AHCYL1: variants seen among roughly 807,000 people sequenced by gnomAD.
The protein encoded by AHCYL1 is S-adenosylhomocysteine hydrolase-like protein 1.
In AHCYL1, 20 loss-of-function variants were observed where a neutral mutation model predicts 79.3. The ratio of observed to expected loss-of-function variants is 0.25; its 90% CI spans 0.18 to 0.37. The LOEUF is 0.37. Ranked by LOEUF, AHCYL1 falls within the 10% of genes least tolerant of loss-of-function variation. AHCYL1 has a pLI of 1.00. For missense variants in AHCYL1, 330 were observed against 673.6 expected (o/e 0.49, Z 5.65); for synonymous variants, 223 against 242.2 (o/e 0.92, Z 0.74).
chr1:109,985,514 G>C (rs750599482), intron 1 of AHCYL1: 1 of 1,015,240 alleles, frequency 9.8e-7, no homozygotes, highest in Non-Finnish European at 1.2e-6. Flanking sequence ...CAGTCCGGGG[G>C]CATGGGGTGT....
Position 109,985,038 on chromosome 1 carries a change from C to G in AHCYL1, c.-15C>G, listed in dbSNP as rs768758601. ...CGGGGGCGGCGGGTCAGCCGCTGGC[C>G]GGGCCGGCCGGGGAATGTCGATGCC... On this transcript the variant is annotated 5_prime_UTR_variant, in exon 1 of 17. Transcript: ENST00000369799. 1.3e-6 allele frequency: 2 copies of G among 1,549,740 alleles called. No individual in the cohort carries two copies. The highest frequency in any genetic ancestry group is 1.7e-6 in the Non-Finnish European group (2 of 1,149,842).
At chr1:110,017,353 T>G (rs544208847) in intron 9 of AHCYL1, 142 bp from the exon 10 acceptor site, 1 of 664,282 alleles carries the variant, frequency 1.5e-6, no homozygotes, top group African/African-American at 1.8e-5. Flanking sequence ...CTGTTCTGCT[T>G]GGGATTGGAG....
chr1:110,001,244 TG>T (rs1650295380), intron 1 of AHCYL1, among the ~76,000 whole-genome samples: 1 of 152,052 alleles, frequency 6.6e-6, no homozygotes, highest in African/African-American at 2.4e-5. Flanking sequence ...GGGAGTGCAG[TG>T]GCATGATCTC....
At chr1:110,010,590 G>C (rs1034756371) in intron 2 of AHCYL1, among the ~76,000 whole-genome samples, 4 of 152,130 alleles carry the variant, frequency 2.6e-5, no homozygotes, top group Non-Finnish European at 5.9e-5. Flanking sequence ...TATTCCTTGA[G>C]CACAACTTAG....
chr1:110,001,434 G>T (rs1036815018), intron 1 of AHCYL1, among the ~76,000 whole-genome samples: 6 of 152,040 alleles, frequency 3.9e-5, no homozygotes, highest in Non-Finnish European at 7.4e-5. Flanking sequence ...GATCCACCCT[G>T]CTCGACCTCC....
chr1:109,989,359 C>T (rs1251586009), intron 1 of AHCYL1, among the ~76,000 whole-genome samples: 1 of 151,900 alleles, frequency 6.6e-6, no homozygotes, highest in Non-Finnish European at 1.5e-5. Context: ...AGTGTTTTAC[C>T]CAATATAATA....
rs1311479813 is a variant in AHCYL1, at chr1:110,017,428, A to C, written c.964-67A>C. 9.4e-6 allele frequency: 14 copies of C among 1,485,394 alleles called. No individual in the cohort carries two copies. In the East Asian group the frequency reaches 2.7e-4, roughly 29 times the overall value. 92.0% of individuals were successfully genotyped at this position (1,485,394 alleles called of 1,614,324 possible). A position where few individuals can be genotyped will look rare whatever the true frequency, so the allele number is the denominator to read the frequency against. On this transcript the variant is annotated intron_variant, in intron 9 of 16. Coordinates refer to ENST00000369799, the MANE Select transcript of AHCYL1 (RefSeq NM_006621.7). ...GAAGGTTAATTCCTGTCTCACAAAT[A>C]ACCTACCTACCCTAAATATCCATGA... is the stretch of plus-strand genomic sequence containing the variant.
At chr1:110,011,588 T>C (rs1420296088) in intron 3 of AHCYL1, among the ~76,000 whole-genome samples, 1 of 152,236 alleles carries the variant, frequency 6.6e-6, no homozygotes, top group Non-Finnish European at 1.5e-5. Flanking sequence ...AGTTTCTGTT[T>C]TCCTCCTTGC....
Position 110,014,766 on chromosome 1 carries a change from T to C in AHCYL1, c.584T>C (p.Val195Ala). ...EVAAALAEAG[V>A]AVFAWKGESE... ...TGATTCATTTCTGTCTCTACAGGAG[T>C]TGCAGTGTTCGCTTGGAAGGGCGAG... Residue 195 changes from valine (V) to alanine (A), a missense_variant, in exon 6 of 17, where the codon GTT becomes GCT. By Grantham distance (64) the Val-to-Ala change is moderately conservative (BLOSUM62 0). Transcript: ENST00000369799. 6.2e-7 allele frequency: 1 copy of C among 1,613,620 alleles called. No individual in the cohort carries two copies. Among genetic ancestry groups the C allele is most frequent in the Non-Finnish European group, 8.5e-7 (1 of 1,179,572 alleles).
intron 1 of AHCYL1, chr1:110,001,047 G>A (rs1570860297): frequency 2.6e-6 from 2 of 755,914 alleles, no homozygotes; most frequent in East Asian, 2.6e-4. Flanking sequence ...TTCATGTAGT[G>A]CTATCAGGTG....
In AHCYL1 at chr1:110,004,079, G is replaced by A. The variant is rs72976664; in HGVS notation, c.121-4955G>A. On this transcript the variant is annotated intron_variant, in intron 1 of 16. Coordinates refer to ENST00000369799, the MANE Select transcript of AHCYL1 (RefSeq NM_006621.7). The stretch of plus-strand genomic sequence containing the variant: ...GCCTGGTATTGCCTCACCTCTTCTC[G>A]CCGCGAGCATTGACAGAAGATCTAG... 7,697 of 985,308 alleles carry A rather than the reference G, an allele frequency of 7.8e-3. 413 individuals are homozygous for A. The African/African-American group carries it at 0.12, about 15-fold the overall frequency. 61.0% of individuals were successfully genotyped at this position (985,308 alleles called of 1,614,324 possible). A position where few individuals can be genotyped will look rare whatever the true frequency, so the allele number is the denominator to read the frequency against.
At chr1:109,996,517 T>TA (rs1326272020) in intron 1 of AHCYL1, among the ~76,000 whole-genome samples, 3 of 152,218 alleles carry the variant, frequency 2.0e-5, no homozygotes, top group Non-Finnish European at 4.4e-5. Flanking sequence ...AAGTGGTTCT[T>TA]AACCATTGGG....
intron 13 of AHCYL1, 140 bp downstream of exon 13, chr1:110,018,790 C>T (rs1651597088): frequency 2.2e-6 from 2 of 909,646 alleles, no homozygotes; most frequent in Admixed American, 2.7e-5. Context: ...ACAAATTGGT[C>T]CCCAAAATAA....
At chr1:110,006,487 A>G (rs964600707) in intron 1 of AHCYL1, among the ~76,000 whole-genome samples, 1 of 152,202 alleles carries the variant, frequency 6.6e-6, no homozygotes, top group African/African-American at 2.4e-5. Context: ...AGATTATCAT[A>G]TTTGCCTTAA....
At chr1:110,021,364 C>G (rs1557778234) in intron 16 of AHCYL1, among the ~76,000 whole-genome samples, 1 of 152,168 alleles carries the variant, frequency 6.6e-6, no homozygotes, top group Non-Finnish European at 1.5e-5. Flanking sequence ...CTAAGAGATT[C>G]TGATATATTT....
intron 1 of AHCYL1, among the ~76,000 whole-genome samples, chr1:109,993,678 A>G (rs538941194): frequency 1.3e-5 from 2 of 152,300 alleles, no homozygotes; most frequent in East Asian, 3.9e-4. Flanking sequence ...GAGGTCAGGG[A>G]GAAGACATCT....
Position 110,018,535 on chromosome 1 carries a change from T to C in AHCYL1, c.1219-17T>C, listed in dbSNP as rs1218462011. 6.2e-7 allele frequency: 1 copy of C among 1,614,134 alleles called. No homozygotes were observed. On this transcript the variant is annotated splice_polypyrimidine_tract_variant and intron_variant, in intron 12 of 16. Transcript: ENST00000369799. ...TTTCATTAATAACCATAGTCAACTG[T>C]GCTTTCTTCCTTTCAGACCAGCCTC...
chr1:110,019,175 A>G, intron 14 of AHCYL1, 56 bp downstream of exon 14: 1 of 1,500,992 alleles, frequency 6.7e-7, no homozygotes, highest in Non-Finnish European at 9.3e-7. Flanking sequence ...CTGGGCGTAG[A>G]TCAGTTCCAG....
chr1:110,011,499 C>G, intron 3 of AHCYL1, 142 bp downstream of exon 3: 1 of 1,156,980 alleles, frequency 8.6e-7, no homozygotes, highest in Non-Finnish European at 1.2e-6. Flanking sequence ...ATAAACACTT[C>G]TCTCTCTATG....
Sources: gnomAD v4.1 joint callset for allele counts (sites outside exome capture counted in the v4.1 genomes callset) on GRCh38, gnomAD v4.1.1 for gene constraint, MANE v1.5 for transcripts, NCBI Gene and HGNC (gene_info 2026-07-23, HGNC 2026-07-21) for gene names.